RAD54B: variants seen among roughly 807,000 people sequenced by gnomAD.
RAD54B encodes RAD54 homolog B.
In RAD54B, 78 loss-of-function variants were observed where a neutral mutation model predicts 95.8. The observed-to-expected ratio is 0.81, with a 90% CI of 0.68 to 0.98. RAD54B has a LOEUF of 0.98. Among genes scored for constraint, RAD54B ranks in the 50% least tolerant of loss-of-function variants. The pLI is 0.00. For synonymous variants in RAD54B, 328 were observed against 354.9 expected, an observed-to-expected ratio of 0.92 and a Z score of 0.85; for missense variants, 957 against 1,056.6, an observed-to-expected ratio of 0.91 and a Z score of 1.31.
chr8:94,417,742 A>G (rs1811711395), intron 3 of RAD54B, among the ~76,000 whole-genome samples: 1 of 152,204 alleles, frequency 6.6e-6, no homozygotes, highest in Non-Finnish European at 1.5e-5. Context: ...AAGCCAGGTA[A>G]ATCAACCTGC....
At chr8:94,417,032 A>G (rs898971887) in intron 3 of RAD54B, among the ~76,000 whole-genome samples, 1 of 152,198 alleles carries the variant, frequency 6.6e-6, no homozygotes, top group Admixed American at 6.5e-5. Context: ...ATATGCATAC[A>G]ATGGAATATA....
At chr8:94,378,500 C>A in intron 13 of RAD54B, 68 bp downstream of exon 13, 1 of 1,472,730 alleles carries the variant, frequency 6.8e-7, no homozygotes, top group Non-Finnish European at 9.3e-7. Flanking sequence ...CACTGAAGCA[C>A]AGGCTAACAA....
chr8:94,387,202 T>C (rs761211689), intron 10 of RAD54B, 43 bp from the exon 11 acceptor site: 1 of 1,476,572 alleles, frequency 6.8e-7, no homozygotes, highest in Non-Finnish European at 9.0e-7. Flanking sequence ...AAGTTTGTTT[T>C]TTTAATTAGG....
intron 14 of RAD54B, among the ~76,000 whole-genome samples, chr8:94,376,065 A>G (rs1341792295): frequency 1.3e-5 from 2 of 152,328 alleles, no homozygotes; most frequent in South Asian, 2.1e-4. Context: ...AATGGATTAC[A>G]TAACAAAATC....
chr8:94,430,191 GTC>G (rs1812053196), intron 3 of RAD54B: 1 of 617,704 alleles, frequency 1.6e-6, no homozygotes, highest in Admixed American at 6.4e-5. Context: ...TGCGCCTGTA[GTC>G]CCAGCTACTT....
chr8:94,409,658 A>C (rs1277254508), intron 4 of RAD54B, among the ~76,000 whole-genome samples: 2 of 151,894 alleles, frequency 1.3e-5, no homozygotes, highest in Admixed American at 1.3e-4. Context: ...GAGCCACTAC[A>C]CCCTTAAAAG....
intron 1 of RAD54B, among the ~76,000 whole-genome samples, chr8:94,468,502 A>C (rs1813084891): frequency 6.6e-6 from 1 of 150,556 alleles, no homozygotes; most frequent in Non-Finnish European, 1.5e-5. Context: ...TGAACCTAGG[A>C]GCTTCGTCTC....
chr8:94,427,196 C>T (rs1444326310), intron 3 of RAD54B, among the ~76,000 whole-genome samples: 1 of 151,778 alleles, frequency 6.6e-6, no homozygotes, highest in African/African-American at 2.4e-5. Context: ...AATGATATAT[C>T]CTTTTAGTTT....
At position 94,458,420 on chromosome 8, in the gene RAD54B, T is replaced by A; in HGVS notation, c.152A>T (p.Asn51Ile). 2 of 1,590,164 alleles carry A rather than the reference T, an allele frequency of 1.3e-6. No homozygotes were observed. Among genetic ancestry groups the A allele is most frequent in the South Asian group, 2.4e-5 (2 of 84,176 alleles). Residue 51 changes from asparagine (N) to isoleucine (I), a missense_variant, in exon 3 of 15, where the codon AAC becomes ATC. Coordinates refer to ENST00000336148, the MANE Select transcript of RAD54B (RefSeq NM_012415.3). ...ATCATTTTGTGACGGGAGAAAGGTG[T>A]TATTAATTGCAACACCCTAAAAGAA... ...IKLFEGVAIN[N>I]TFLPSQNDLR...
intron 12 of RAD54B, 78 bp from the exon 13 acceptor site, chr8:94,378,712 T>C: frequency 2.0e-6 from 2 of 1,005,990 alleles, no homozygotes; most frequent in African/African-American, 1.6e-5. Flanking sequence ...TGCAGAAATA[T>C]GTTTTAAAAT....
At chr8:94,432,766 TAAAGTTAC>T (rs1812146214) in intron 3 of RAD54B, 1 of 1,289,982 alleles carries the variant, frequency 7.8e-7, no homozygotes, top group Non-Finnish European at 9.9e-7. Context: ...TTTAAAACTA[TAAAGTTAC>T]AAAATAAAAA....
chr8:94,384,875 C>T (rs1391537524), intron 11 of RAD54B, among the ~76,000 whole-genome samples: 3 of 152,094 alleles, frequency 2.0e-5, no homozygotes, highest in Non-Finnish European at 4.4e-5. Context: ...GACTGAGGTA[C>T]GCAGATTGCT....
At chr8:94,417,985 C>T (rs1811716376) in intron 3 of RAD54B, among the ~76,000 whole-genome samples, 1 of 152,168 alleles carries the variant, frequency 6.6e-6, no homozygotes, top group Admixed American at 6.5e-5. Context: ...CTGCTAGAGC[C>T]CTCAGCAGGA....
intron 2 of RAD54B, among the ~76,000 whole-genome samples, chr8:94,463,893 C>CAAAAAAAAAAAAAA (rs553168595): frequency 4.4e-5 from 4 of 90,976 alleles, no homozygotes; most frequent in East Asian, 2.8e-4. Flanking sequence ...GACCCTATCT[C>CAAAAAAAAAAAAAA]AAAAAAAAAA....
intron 14 of RAD54B, 140 bp from the exon 15 acceptor site, chr8:94,372,527 T>C: frequency 1.4e-6 from 2 of 1,408,470 alleles, no homozygotes; most frequent in Non-Finnish European, 1.9e-6. Context: ...AAATTCATTC[T>C]TTTTACAAAC....
At chr8:94,381,950 A>G (rs1309547261) in intron 11 of RAD54B, among the ~76,000 whole-genome samples, 2 of 152,076 alleles carry the variant, frequency 1.3e-5, no homozygotes, top group Non-Finnish European at 2.9e-5. Flanking sequence ...CGTCTCTACT[A>G]AAAATACAAA....
intron 3 of RAD54B, among the ~76,000 whole-genome samples, chr8:94,445,812 T>C (rs1707013923): frequency 6.6e-6 from 1 of 152,152 alleles, no homozygotes; most frequent in Non-Finnish European, 1.5e-5. Flanking sequence ...ATCACAGGCA[T>C]GAACCACCAC....
At chr8:94,387,234 G>A in intron 10 of RAD54B, 75 bp from the exon 11 acceptor site, 6 of 1,261,416 alleles carry the variant, frequency 4.8e-6, no homozygotes, top group South Asian at 1.6e-5. Flanking sequence ...CTAAAATTAT[G>A]GAAGGAAAAA....
rs1811516642 is a variant in RAD54B at position 94,411,108 on chromosome 8, A to G, written c.499+13T>C. On this transcript the variant is annotated intron_variant, in intron 4 of 14. Transcript: ENST00000336148. Reference sequence around the variant, plus strand: ...TCAGGCCAAACTGTAAACATTAGGTAGTATCATAATACCTCTTCCAATGTC... The same window carrying G: ...TCAGGCCAAACTGTAAACATTAGGTGGTATCATAATACCTCTTCCAATGTC... The G allele has an allele frequency of 1.3e-6, 2 of 1,568,192 alleles. No homozygotes were observed. The highest frequency in any genetic ancestry group is 8.7e-7 in the Non-Finnish European group (1 of 1,151,600).
Sources: gnomAD v4.1 joint callset for allele counts (sites outside exome capture counted in the v4.1 genomes callset) on GRCh38, gnomAD v4.1.1 for gene constraint, MANE v1.5 for transcripts, NCBI Gene and HGNC (gene_info 2026-07-23, HGNC 2026-07-21) for gene names.